Variants in SNTG1 observed in about 807,000 individuals in gnomAD.
The protein encoded by SNTG1 is syntrophin gamma 1.
SNTG1 carries 39 observed loss-of-function variants against 74.7 expected under a neutral mutation model. The ratio of observed to expected loss-of-function variants is 0.52; its 90% CI spans 0.40 to 0.68. The LOEUF (loss-of-function observed/expected upper bound fraction) is 0.68. Among genes scored for constraint, SNTG1 ranks in the 30% least tolerant of loss-of-function variants. The probability of loss-of-function intolerance (pLI) is 0.00; values close to 1 mark genes in which losing one functional copy is unlikely to be tolerated. For missense variants in SNTG1, 685 were observed against 609.5 expected, an observed-to-expected ratio of 1.12 and a Z score of -1.30; for synonymous variants, 254 against 217.1, an observed-to-expected ratio of 1.17 and a Z score of -1.49.
chr8:50,625,883 A>G (rs1251198467), intron 13 of SNTG1, among the ~76,000 whole-genome samples: 2 of 152,230 alleles, frequency 1.3e-5, no homozygotes, highest in Non-Finnish European at 2.9e-5. Context: ...TAGAGATAAG[A>G]GTACATATTT....
chr8:50,229,741 C>T (rs1470676273), intron 2 of SNTG1, among the ~76,000 whole-genome samples: 2 of 151,368 alleles, frequency 1.3e-5, no homozygotes, highest in Non-Finnish European at 3.0e-5. Flanking sequence ...GTTCTAATGG[C>T]TTTTTATAGA....
chr8:50,174,866 C>T (rs1204926996), intron 2 of SNTG1, among the ~76,000 whole-genome samples: 1 of 129,666 alleles, frequency 7.7e-6, no homozygotes, highest in Admixed American at 8.2e-5. Flanking sequence ...CCCCCCTCCC[C>T]CCACCCCACA....
At chr8:49,985,905 A>G (rs868310933) in intron 1 of SNTG1, among the ~76,000 whole-genome samples, 4 of 152,184 alleles carry the variant, frequency 2.6e-5, no homozygotes, top group Non-Finnish European at 4.4e-5. Context: ...TTATAAGTAC[A>G]TATTTTTCAT....
intron 1 of SNTG1, among the ~76,000 whole-genome samples, chr8:50,083,473 C>T (rs1455693017): frequency 6.6e-6 from 1 of 152,018 alleles, no homozygotes; most frequent in Non-Finnish European, 1.5e-5. Flanking sequence ...ATAAGCAAAG[C>T]CTTTTAATTA....
In SNTG1 at chr8:50,794,539, C is replaced by G. The variant is rs913307510; in HGVS notation, c.*1710C>G. ...GTACACATTTGTAATTAGGATAGAACTTTAGAATTATTGCACACTATATTG... is the reference window on the plus strand; with the variant it reads ...GTACACATTTGTAATTAGGATAGAAGTTTAGAATTATTGCACACTATATTG... On this transcript the variant is annotated 3_prime_UTR_variant, in exon 19 of 19. Coordinates refer to ENST00000642720, the MANE Select transcript of SNTG1 (RefSeq NM_018967.5). The G allele has an allele frequency of 1.3e-3, 197 of 152,014 alleles. No homozygotes were observed. Among genetic ancestry groups the G allele is most frequent in the African/African-American group, 4.6e-3 (191 of 41,516 alleles). 9.4% of individuals were successfully genotyped at this position (152,014 alleles called of 1,614,324 possible).
intron 17 of SNTG1, among the ~76,000 whole-genome samples, chr8:50,744,013 T>C (rs897224372): frequency 6.6e-6 from 1 of 151,894 alleles, no homozygotes; most frequent in African/African-American, 2.4e-5. Context: ...CAGGATTTCC[T>C]ATGAACCCAG....
chr8:50,780,110 T>C (rs996761644), intron 18 of SNTG1, among the ~76,000 whole-genome samples: 15 of 152,206 alleles, frequency 9.9e-5, no homozygotes, highest in African/African-American at 3.4e-4. Context: ...TTTGCCAGTA[T>C]TTTATTGAGG....
rs754637429 is a variant in SNTG1, at chr8:50,624,678, A to T, written c.850-32231A>T. Among the ~76,000 whole-genome samples the T allele has an allele frequency of 3.9e-5, 6 of 152,230 alleles. No individual in the cohort carries two copies. The East Asian group carries it at 5.8e-4, about 15-fold the overall frequency. On this transcript the variant is annotated intron_variant, in intron 13 of 18. Coordinates refer to ENST00000642720, the MANE Select transcript of SNTG1 (RefSeq NM_018967.5). ...AAAGTCATACACGTTTTGTGAACTA[A>T]CCTCCATTCCTTAACATCACCGTCT... is the stretch of plus-strand genomic sequence containing the variant.
intron 1 of SNTG1, among the ~76,000 whole-genome samples, chr8:50,043,803 A>G (rs1277696991): frequency 6.6e-6 from 1 of 152,230 alleles, no homozygotes; most frequent in East Asian, 1.9e-4. Context: ...GTGCGTGCAC[A>G]CACATACACA....
At chr8:50,104,472 C>T (rs2080286471) in intron 1 of SNTG1, among the ~76,000 whole-genome samples, 1 of 152,010 alleles carries the variant, frequency 6.6e-6, no homozygotes. Context: ...ATTAGTCTTG[C>T]TAGCGGTCTA....
At chr8:49,945,444 C>T (rs1355636484) in intron 1 of SNTG1, among the ~76,000 whole-genome samples, 8 of 152,204 alleles carry the variant, frequency 5.3e-5, no homozygotes, top group Non-Finnish European at 1.2e-4. Flanking sequence ...CTGAGGTCTG[C>T]ATTCATTTAA....
chr8:50,180,068 G>A (rs1008964799), intron 2 of SNTG1, among the ~76,000 whole-genome samples: 2 of 152,040 alleles, frequency 1.3e-5, no homozygotes, highest in Non-Finnish European at 2.9e-5. Flanking sequence ...AATAAATTAT[G>A]GTATATGTAC....
chr8:50,537,861 A>G (rs1308649935), intron 11 of SNTG1, among the ~76,000 whole-genome samples: 2 of 152,168 alleles, frequency 1.3e-5, no homozygotes. Flanking sequence ...CTTTGTTCCA[A>G]TAAAACTTTT....
intron 13 of SNTG1, among the ~76,000 whole-genome samples, chr8:50,624,714 C>A (rs545997598): frequency 6.6e-6 from 1 of 152,288 alleles, no homozygotes; most frequent in South Asian, 2.1e-4. Flanking sequence ...TTCAAGTTTA[C>A]AGTACTTAGT....
chr8:49,965,697 G>A (rs1251838462), intron 1 of SNTG1, among the ~76,000 whole-genome samples: 1 of 151,980 alleles, frequency 6.6e-6, no homozygotes, highest in African/African-American at 2.4e-5. Context: ...ATAACCGAAT[G>A]TTTTTCATGA....
intron 11 of SNTG1, among the ~76,000 whole-genome samples, chr8:50,540,218 A>C (rs557641198): frequency 1.3e-5 from 2 of 152,184 alleles, no homozygotes; most frequent in Non-Finnish European, 2.9e-5. Flanking sequence ...CATGTATTTT[A>C]AAAAATTCAT....
chr8:49,974,294 C>T lies in SNTG1; in HGVS notation c.-103+62063C>T, dbSNP rs562549561. ...GCCACAATAATATTCCATTGATGAG[C>T]GCCAATACCTTCCTAGCCCTCCATG... On this transcript the variant is annotated intron_variant, in intron 1 of 18. Transcript: ENST00000642720. 2.0e-3 allele frequency among the ~76,000 whole-genome samples: 298 copies of T among 152,210 alleles called. 1 individual carries two copies. The highest frequency in any genetic ancestry group is 2.9e-3 in the Non-Finnish European group (200 of 67,972).
chr8:50,503,493 C>T (rs1372906597), intron 9 of SNTG1, among the ~76,000 whole-genome samples: 1 of 152,154 alleles, frequency 6.6e-6, no homozygotes, highest in Non-Finnish European at 1.5e-5. Flanking sequence ...CACACATTTG[C>T]TTAATCCACT....
At chr8:50,247,265 G>A (rs1438981850) in intron 2 of SNTG1, among the ~76,000 whole-genome samples, 2 of 151,932 alleles carry the variant, frequency 1.3e-5, no homozygotes, top group African/African-American at 4.8e-5. Flanking sequence ...ATTTCTTTGG[G>A]GCATTGTCCC....
Sources: allele counts gnomAD v4.1 joint callset (sites outside exome capture counted in the v4.1 genomes callset), GRCh38; gene constraint gnomAD v4.1.1; transcripts MANE v1.5; gene names NCBI Gene and HGNC (gene_info 2026-07-23, HGNC 2026-07-21).